HMCN1: variants seen among roughly 807,000 people sequenced by gnomAD.
HMCN1 encodes hemicentin 1, also known as hemicentin-1.
Under a neutral mutation model 625.9 loss-of-function variants are expected in HMCN1, and 321 were observed. The observed-to-expected ratio is 0.51, with a 90% CI of 0.47 to 0.56. HMCN1 has a LOEUF of 0.56. Ranked by LOEUF, HMCN1 falls within the 20% of genes least tolerant of loss-of-function variation. The probability of loss-of-function intolerance (pLI) is 0.00; values close to 1 mark genes in which losing one functional copy is unlikely to be tolerated. For synonymous variants in HMCN1, 2,425 were observed against 2,417.6 expected (o/e 1.00, Z -0.09); for missense variants, 6,588 against 6,887.3 (o/e 0.96, Z 1.54).
At chr1:185,998,865 G>T (rs1338178573) in intron 25 of HMCN1, among the ~76,000 whole-genome samples, 1 of 152,058 alleles carries the variant, frequency 6.6e-6, no homozygotes, top group Non-Finnish European at 1.5e-5. Flanking sequence ...TAATTAAGTA[G>T]TCTGATTAAA....
chr1:185,895,099 TTA>T (rs1665410739), intron 4 of HMCN1, among the ~76,000 whole-genome samples: 2 of 96,016 alleles, frequency 2.1e-5, no homozygotes, highest in South Asian at 6.0e-4. Context: ...ATATTATTTG[TTA>T]TTTTTTGTTA....
intron 52 of HMCN1, among the ~76,000 whole-genome samples, 174 bp downstream of exon 52, chr1:186,070,931 G>T (rs922971480): frequency 1.3e-5 from 2 of 151,882 alleles, no homozygotes; most frequent in Non-Finnish European, 1.5e-5. Context: ...CAACCTGAAG[G>T]ATGTTCAACA....
intron 23 of HMCN1, 199 bp downstream of exon 23, chr1:185,993,508 C>T (rs897367832): frequency 2.7e-5 from 15 of 548,924 alleles, no homozygotes; most frequent in Non-Finnish European, 4.1e-5. Context: ...TCTTCTGTTT[C>T]TTCCTTTATC....
At chr1:185,741,014 A>T (rs944161524) in intron 1 of HMCN1, among the ~76,000 whole-genome samples, 2 of 152,052 alleles carry the variant, frequency 1.3e-5, no homozygotes, top group Non-Finnish European at 2.9e-5. Context: ...ACGAAAACAA[A>T]AACAAAAACA....
At chr1:186,116,064 A>G (rs182818438) in intron 75 of HMCN1, among the ~76,000 whole-genome samples, 1 of 152,234 alleles carries the variant, frequency 6.6e-6, no homozygotes, top group Non-Finnish European at 1.5e-5. Context: ...GTCCACTTTA[A>G]CAAAAATCAA....
At position 186,062,596 on chromosome 1, in the gene HMCN1, GACA is replaced by G; in HGVS notation, c.7510_7512del (p.Thr2504del). The G allele has an allele frequency of 6.2e-7, 1 of 1,605,282 alleles. No individual in the cohort carries two copies. Among genetic ancestry groups the G allele is most frequent in the South Asian group, 1.1e-5 (1 of 90,912 alleles). The stretch of plus-strand genomic sequence containing the variant: ...AGAGTGTTACGCTGACTTGTGAAGT[GACA>G]GGTATGGGCTCAGCTCTCAGACTTT... On this transcript the variant is annotated inframe_deletion and splice_region_variant, in exon 48 of 107. Coordinates refer to ENST00000271588, the MANE Select transcript of HMCN1 (RefSeq NM_031935.3).
At chr1:185,860,268 T>C (rs1330401865) in intron 2 of HMCN1, among the ~76,000 whole-genome samples, 3 of 152,190 alleles carry the variant, frequency 2.0e-5, no homozygotes, top group Non-Finnish European at 4.4e-5. Flanking sequence ...AGAACACTTA[T>C]AATCAATATG....
intron 68 of HMCN1, among the ~76,000 whole-genome samples, chr1:186,096,344 T>C (rs890355599): frequency 6.6e-6 from 1 of 152,194 alleles, no homozygotes; most frequent in East Asian, 1.9e-4. Context: ...TGAGGGCAGA[T>C]GTCTTCTTAC....
chr1:185,907,766 G>C (rs77924866), intron 4 of HMCN1, among the ~76,000 whole-genome samples: 4,245 of 152,022 alleles, frequency 0.028, 184 homozygotes, highest in African/African-American at 0.092. Context: ...AACTAAGATC[G>C]TGTAAGTATG....
chr1:186,015,008 A>G, intron 30 of HMCN1, 151 bp from the exon 31 acceptor site: 1 of 686,162 alleles, frequency 1.5e-6, no homozygotes. Flanking sequence ...TTTTGACAAT[A>G]GAGGAAACTC....
At chr1:185,787,675 A>C (rs1382860261) in intron 1 of HMCN1, among the ~76,000 whole-genome samples, 2 of 152,198 alleles carry the variant, frequency 1.3e-5, no homozygotes, top group Admixed American at 1.3e-4. Context: ...AAAGTGCTAG[A>C]ATGTATTTTA....
At chr1:186,026,835 A>G (rs1655089150) in intron 36 of HMCN1, among the ~76,000 whole-genome samples, 1 of 151,876 alleles carries the variant, frequency 6.6e-6, no homozygotes, top group Non-Finnish European at 1.5e-5. Flanking sequence ...GGATTTCACC[A>G]TGTTGCCCAG....
intron 11 of HMCN1, among the ~76,000 whole-genome samples, chr1:185,939,004 G>T (rs1165815472): frequency 6.6e-6 from 1 of 151,960 alleles, no homozygotes; most frequent in East Asian, 1.9e-4. Flanking sequence ...ATATTCAAGG[G>T]TTCAGGAAAA....
At chr1:185,741,521 T>C (rs921346021) in intron 1 of HMCN1, among the ~76,000 whole-genome samples, 3 of 152,056 alleles carry the variant, frequency 2.0e-5, no homozygotes, top group African/African-American at 7.2e-5. Context: ...AATGAGACCA[T>C]TAAGGGAGAC....
intron 11 of HMCN1, among the ~76,000 whole-genome samples, chr1:185,954,909 C>T (rs1449333778): frequency 1.3e-5 from 2 of 152,106 alleles, no homozygotes; most frequent in Non-Finnish European, 2.9e-5. Flanking sequence ...ATGCTTGAAT[C>T]AGTGGGTGCT....
chr1:185,893,054 G>C (rs529203797), intron 4 of HMCN1, among the ~76,000 whole-genome samples: 3 of 152,214 alleles, frequency 2.0e-5, no homozygotes, highest in African/African-American at 7.2e-5. Context: ...CAGTATTCGG[G>C]TGCAAGTGAC....
intron 69 of HMCN1, among the ~76,000 whole-genome samples, chr1:186,105,548 C>T (rs1660568708): frequency 6.6e-6 from 1 of 152,214 alleles, no homozygotes; most frequent in African/African-American, 2.4e-5. Flanking sequence ...GAGGGGACCA[C>T]TCTATGACTA....
intron 11 of HMCN1, among the ~76,000 whole-genome samples, chr1:185,958,380 A>C (rs1467700281): frequency 6.6e-6 from 1 of 152,144 alleles, no homozygotes; most frequent in Non-Finnish European, 1.5e-5. Flanking sequence ...TGGCCTCCGA[A>C]AATGCTGGGA....
At chr1:185,901,823 T>C (rs1010768482) in intron 4 of HMCN1, among the ~76,000 whole-genome samples, 16 of 151,794 alleles carry the variant, frequency 1.1e-4, no homozygotes, top group African/African-American at 3.9e-4. Flanking sequence ...AAAAACCAGA[T>C]CGTAGACTGT....
Sources: gnomAD v4.1 joint callset for allele counts (sites outside exome capture counted in the v4.1 genomes callset) on GRCh38, gnomAD v4.1.1 for gene constraint, MANE v1.5 for transcripts, NCBI Gene and HGNC (gene_info 2026-07-23, HGNC 2026-07-21) for gene names.